The following LINGO2 variants were observed in gnomAD, a reference collection of about 807,000 sequenced individuals.
LINGO2 encodes the protein leucine-rich repeat and immunoglobulin-like domain-containing nogo receptor-interacting protein 2.
A neutral mutation model predicts 30.6 loss-of-function variants in LINGO2; 14 were observed. The observed-to-expected ratio is 0.46, with a 90% CI of 0.30 to 0.72. LINGO2 has a LOEUF of 0.72. Among genes scored for constraint, LINGO2 ranks in the 30% least tolerant of loss-of-function variants. LINGO2 has a pLI of 0.07. For missense variants in LINGO2, 729 were observed against 751.7 expected, an observed-to-expected ratio of 0.97 and a Z score of 0.35; for synonymous variants, 317 against 288.5, an observed-to-expected ratio of 1.10 and a Z score of -1.00.
At chr9:28,555,782 C>T (rs1490817069) in intron 1 of LINGO2, among the ~76,000 whole-genome samples, 1 of 152,052 alleles carries the variant, frequency 6.6e-6, no homozygotes, top group Admixed American at 6.6e-5. Flanking sequence ...AGCAGCACAT[C>T]AAAAAGCTTA....
the LINGO2 span, among the ~76,000 whole-genome samples, chr9:29,188,991 G>A: frequency 3.5e-5 from 5 of 140,902 alleles, no homozygotes; most frequent in Non-Finnish European, 7.6e-5. Context: ...CGGATGGGGC[G>A]GCTGGCCGGG....
intron 4 of LINGO2, among the ~76,000 whole-genome samples, chr9:28,269,034 T>C (rs1206096670): frequency 6.6e-6 from 1 of 152,092 alleles, no homozygotes; most frequent in Admixed American, 6.6e-5. Flanking sequence ...TGCACATGCA[T>C]AACCTCTTTT....
At chr9:28,218,076 G>A (rs1346974390) in intron 4 of LINGO2, among the ~76,000 whole-genome samples, 1 of 150,104 alleles carries the variant, frequency 6.7e-6, no homozygotes, top group Non-Finnish European at 1.5e-5. Flanking sequence ...ATGTAGATTT[G>A]AAGACTAGGG....
chr9:28,167,137 G>GCC (rs1348401343), intron 4 of LINGO2, among the ~76,000 whole-genome samples: 16 of 90,286 alleles, frequency 1.8e-4, no homozygotes, highest in South Asian at 8.1e-4. Flanking sequence ...ACTTAATATA[G>GCC]CACCCCCCCC....
chr9:29,153,346 T>C, the LINGO2 span, among the ~76,000 whole-genome samples: 2 of 152,176 alleles, frequency 1.3e-5, no homozygotes, highest in African/African-American at 4.8e-5. Context: ...TTATTAAAGG[T>C]AACATGACTC....
chr9:28,183,702 C>T (rs1311373981), intron 4 of LINGO2, among the ~76,000 whole-genome samples: 1 of 152,046 alleles, frequency 6.6e-6, no homozygotes, highest in African/African-American at 2.4e-5. Flanking sequence ...TAGATGTAGC[C>T]TGTATACATG....
At chr9:28,125,680 G>C (rs558118720) in intron 4 of LINGO2, among the ~76,000 whole-genome samples, 110 of 152,196 alleles carry the variant, frequency 7.2e-4, no homozygotes, top group Non-Finnish European at 1.4e-3. Flanking sequence ...AGAACTCAGG[G>C]GAAATAAGAA....
chr9:28,516,411 T>C (rs1047144403), intron 1 of LINGO2, among the ~76,000 whole-genome samples: 2 of 152,212 alleles, frequency 1.3e-5, no homozygotes, highest in African/African-American at 4.8e-5. Context: ...GTGCTACGAC[T>C]TCACTGTGGA....
Position 27,949,567 on chromosome 9 carries a change from G to A in LINGO2, c.1105C>T (p.Arg369Ter), listed in dbSNP as rs1486718797. ...CCACCAAACTGCAGGGTGGGCTGTC[G>A]CTGCAAGATCCAGAGAAGGCGGCAG... The change falls in exon 6 of 6, where the codon CGA (arginine) becomes TGA (stop). Residue 369 changes from arginine to a stop codon, truncating the protein, a stop_gained. Transcript: ENST00000379992. LOFTEE classifies it high-confidence loss of function. 4 of 1,613,910 alleles carry A rather than the reference G, an allele frequency of 2.5e-6. No individual in the cohort carries two copies. Among genetic ancestry groups the A allele is most frequent in the Non-Finnish European group, 2.5e-6 (3 of 1,179,984 alleles).
chr9:28,818,535 G>A, the LINGO2 span, among the ~76,000 whole-genome samples: 18 of 151,996 alleles, frequency 1.2e-4, no homozygotes, highest in African/African-American at 2.9e-4. Context: ...ACAGATGCCC[G>A]CAACCACATT....
At chr9:29,056,273 A>AT in the LINGO2 span, among the ~76,000 whole-genome samples, 1 of 151,770 alleles carries the variant, frequency 6.6e-6, no homozygotes, top group Non-Finnish European at 1.5e-5. Context: ...TTATTTTTTG[A>AT]TTTTTTGATT....
At chr9:28,208,636 G>C (rs867133103) in intron 4 of LINGO2, among the ~76,000 whole-genome samples, 1 of 151,836 alleles carries the variant, frequency 6.6e-6, no homozygotes, top group Non-Finnish European at 1.5e-5. Flanking sequence ...TTACTTCTAC[G>C]GAGAATAAAC....
intron 5 of LINGO2, among the ~76,000 whole-genome samples, chr9:28,011,652 G>GAT (rs34009782): frequency 2.9e-4 from 44 of 152,010 alleles, no homozygotes; most frequent in Non-Finnish European, 5.1e-4. Flanking sequence ...AATTGTATTT[G>GAT]ATATATATAT....
chr9:28,592,432 T>A (rs1257654503), intron 1 of LINGO2, among the ~76,000 whole-genome samples: 1 of 152,086 alleles, frequency 6.6e-6, no homozygotes, highest in Admixed American at 6.6e-5. Context: ...GTCCTAAGGA[T>A]TCAAGTTATC....
chr9:29,097,315 CTT>C, the LINGO2 span, among the ~76,000 whole-genome samples: 2 of 137,578 alleles, frequency 1.5e-5, 1 homozygote, highest in Non-Finnish European at 3.2e-5. Context: ...TAGTTTTAAT[CTT>C]TTTTTGATGA....
At chr9:28,549,096 TG>T (rs1249890597) in intron 1 of LINGO2, among the ~76,000 whole-genome samples, 1 of 152,118 alleles carries the variant, frequency 6.6e-6, no homozygotes, top group Non-Finnish European at 1.5e-5. Flanking sequence ...TTGCTTCAGA[TG>T]TAATAAAACC....
chr9:28,966,277 G>T, the LINGO2 span, among the ~76,000 whole-genome samples: 3 of 152,060 alleles, frequency 2.0e-5, no homozygotes, highest in Admixed American at 6.6e-5. Flanking sequence ...AAGAATCGAG[G>T]CCTCTTTACC....
intron 2 of LINGO2, among the ~76,000 whole-genome samples, chr9:28,448,372 T>C (rs1299281858): frequency 6.6e-6 from 1 of 152,132 alleles, no homozygotes; most frequent in Non-Finnish European, 1.5e-5. Context: ...TTAGATTTTA[T>C]TAATAGGCCA....
intron 3 of LINGO2, among the ~76,000 whole-genome samples, chr9:28,347,348 G>T (rs1277334165): frequency 1.3e-5 from 2 of 152,100 alleles, no homozygotes; most frequent in African/African-American, 4.8e-5. Context: ...TCTCAGGAAA[G>T]TCATCTGAGT....
Sources: gnomAD v4.1 joint callset for allele counts (sites outside exome capture counted in the v4.1 genomes callset) on GRCh38, gnomAD v4.1.1 for gene constraint, MANE v1.5 for transcripts, NCBI Gene and HGNC (gene_info 2026-07-23, HGNC 2026-07-21) for gene names.